TSHZ2: variants seen among roughly 807,000 people sequenced by gnomAD.
The protein encoded by TSHZ2 is teashirt zinc finger homeobox 2.
TSHZ2 carries 21 observed loss-of-function variants against 74.4 expected under a neutral mutation model. That is an observed-to-expected ratio of 0.28 (90% CI 0.20 to 0.41). The LOEUF is 0.41. TSHZ2 is among the 10% of genes least tolerant of loss of function. The probability of loss-of-function intolerance (pLI) is 1.00; values close to 1 mark genes in which losing one functional copy is unlikely to be tolerated. For missense variants in TSHZ2, 1,244 were observed against 1,293.5 expected (o/e 0.96, Z 0.59); for synonymous variants, 540 against 515.3 (o/e 1.05, Z -0.65).
chr20:53,300,623 A>G (rs1991461446), intron 2 of TSHZ2, among the ~76,000 whole-genome samples: 4 of 152,190 alleles, frequency 2.6e-5, no homozygotes. Flanking sequence ...TTTCTTTTAA[A>G]ATGAGTAGTG....
intron 2 of TSHZ2, among the ~76,000 whole-genome samples, chr20:53,426,575 G>A (rs1448128625): frequency 1.3e-5 from 2 of 152,094 alleles, no homozygotes; most frequent in Non-Finnish European, 2.9e-5. Context: ...AAGAGAATTT[G>A]AGAACAGATT....
At chr20:53,028,144 G>A (rs1326679689) in intron 1 of TSHZ2, among the ~76,000 whole-genome samples, 1 of 152,176 alleles carries the variant, frequency 6.6e-6, no homozygotes, top group Non-Finnish European at 1.5e-5. Flanking sequence ...AATGGTGGTG[G>A]TGGATAGCAG....
intron 2 of TSHZ2, among the ~76,000 whole-genome samples, chr20:53,441,199 C>A (rs1984298894): frequency 6.7e-6 from 1 of 148,762 alleles, no homozygotes; most frequent in Non-Finnish European, 1.5e-5. Context: ...CCTTTTTTTT[C>A]CATTATAACC....
intron 2 of TSHZ2, among the ~76,000 whole-genome samples, chr20:53,319,323 T>A (rs887860383): frequency 1.3e-5 from 2 of 152,242 alleles, no homozygotes; most frequent in African/African-American, 4.8e-5. Context: ...CCAGGCATTA[T>A]CTCCAGTACT....
intron 2 of TSHZ2, among the ~76,000 whole-genome samples, chr20:53,463,924 C>T (rs1025046933): frequency 1.1e-4 from 16 of 152,228 alleles, no homozygotes; most frequent in African/African-American, 3.6e-4. Context: ...GGCTCCCTAT[C>T]GACAATGGAC....
At chr20:53,383,087 C>T (rs914370798) in intron 2 of TSHZ2, among the ~76,000 whole-genome samples, 2 of 151,802 alleles carry the variant, frequency 1.3e-5, no homozygotes, top group African/African-American at 2.4e-5. Flanking sequence ...ATGGTGAAAC[C>T]CCGTCTCTAA....
At chr20:53,077,410 CAAAAA>C (rs11470532) in intron 1 of TSHZ2, among the ~76,000 whole-genome samples, 2 of 137,310 alleles carry the variant, frequency 1.5e-5, no homozygotes, top group Non-Finnish European at 1.6e-5. Flanking sequence ...GACTCTACCT[CAAAAA>C]AAAAAAAAAA....
chr20:53,116,387 GCTTCCCACA>G (rs1279495619), intron 1 of TSHZ2, among the ~76,000 whole-genome samples: 1 of 152,040 alleles, frequency 6.6e-6, no homozygotes, highest in African/African-American at 2.4e-5. Context: ...GAATGTGATG[GCTTCCCACA>G]GGCCACCTCT....
At chr20:53,369,551 A>G (rs1357044188) in intron 2 of TSHZ2, among the ~76,000 whole-genome samples, 1 of 151,986 alleles carries the variant, frequency 6.6e-6, no homozygotes, top group African/African-American at 2.4e-5. Context: ...TACTAAAAAT[A>G]CAAAAAAAAA....
chr20:53,191,299 CAATT>C (rs1458770725), intron 1 of TSHZ2, among the ~76,000 whole-genome samples: 6 of 152,072 alleles, frequency 3.9e-5, no homozygotes, highest in Non-Finnish European at 8.8e-5. Context: ...TGGTCAGCCT[CAATT>C]AAGCAATATT....
intron 1 of TSHZ2, among the ~76,000 whole-genome samples, chr20:52,981,811 G>A (rs1981579937): frequency 6.6e-6 from 1 of 152,168 alleles, no homozygotes; most frequent in African/African-American, 2.4e-5. Flanking sequence ...CACTAAACAA[G>A]TGCTTTTTAC....
intron 2 of TSHZ2, among the ~76,000 whole-genome samples, chr20:53,402,051 G>A (rs571870486): frequency 8.5e-5 from 13 of 152,182 alleles, no homozygotes; most frequent in East Asian, 7.7e-4. Flanking sequence ...TCAAAGTGCC[G>A]GGATTACAGG....
At chr20:52,997,128 A>G (rs1041819538) in intron 1 of TSHZ2, among the ~76,000 whole-genome samples, 1 of 152,188 alleles carries the variant, frequency 6.6e-6, no homozygotes, top group Non-Finnish European at 1.5e-5. Flanking sequence ...GAAAGACATC[A>G]GTGCACCTGG....
chr20:53,467,039 A>G (rs2145826727), intron 2 of TSHZ2, among the ~76,000 whole-genome samples: 1 of 152,326 alleles, frequency 6.6e-6, no homozygotes, highest in South Asian at 2.1e-4. Flanking sequence ...AGCCAATCCA[A>G]GGCTCTCTCT....
At chr20:53,221,554 C>T (rs1008090906) in intron 1 of TSHZ2, among the ~76,000 whole-genome samples, 5 of 152,250 alleles carry the variant, frequency 3.3e-5, no homozygotes, top group African/African-American at 9.6e-5. Context: ...AATCTGATGG[C>T]CAAGGGCTTG....
intron 1 of TSHZ2, among the ~76,000 whole-genome samples, chr20:53,106,690 G>A (rs868220690): frequency 2.8e-5 from 4 of 143,902 alleles, no homozygotes; most frequent in Admixed American, 6.9e-5. Context: ...GAGCCACCAC[G>A]CAGGGCATTT....
chr20:53,017,088 T>C (rs1429570542), intron 1 of TSHZ2, among the ~76,000 whole-genome samples: 1 of 152,200 alleles, frequency 6.6e-6, no homozygotes, highest in African/African-American at 2.4e-5. Flanking sequence ...ATCATATTCC[T>C]TTCCCCAACA....
chr20:53,436,548 AT>A (rs11411794), intron 2 of TSHZ2, among the ~76,000 whole-genome samples: 351 of 99,904 alleles, frequency 3.5e-3, no homozygotes, highest in Middle Eastern at 6.0e-3. Context: ...TATTATTATT[AT>A]TTTTTTTTTT....
At chr20:53,395,701 AC>A (rs1386897435) in intron 2 of TSHZ2, among the ~76,000 whole-genome samples, 1 of 152,220 alleles carries the variant, frequency 6.6e-6, no homozygotes, top group Non-Finnish European at 1.5e-5. Context: ...CTTTTTTCAA[AC>A]CATCTTAACA....
Sources: allele counts gnomAD v4.1 joint callset (sites outside exome capture counted in the v4.1 genomes callset), GRCh38; gene constraint gnomAD v4.1.1; transcripts MANE v1.5; gene names NCBI Gene and HGNC (gene_info 2026-07-23, HGNC 2026-07-21).